The following RGPD4 variants were observed in gnomAD, a reference collection of about 807,000 sequenced individuals.
RGPD4 encodes ranBP2-like and GRIP domain-containing protein 4.
In RGPD4, 84 loss-of-function variants were observed where a neutral mutation model predicts 141.1. That is an observed-to-expected ratio of 0.60 (90% confidence interval 0.50 to 0.71). RGPD4 has a LOEUF of 0.71. RGPD4 is among the 30% of genes least tolerant of loss of function. The probability of loss-of-function intolerance (pLI) is 0.00; values close to 1 mark genes in which losing one functional copy is unlikely to be tolerated. For missense variants in RGPD4, 918 were observed against 1,622.4 expected (o/e 0.57, Z 7.46); for synonymous variants, 298 against 566.8 (o/e 0.53, Z 6.74).
rs536742958 is a variant in RGPD4, at chr2:107,832,365, T to C, written c.73-4237T>C. 4.6e-5 allele frequency among the ~76,000 whole-genome samples: 7 copies of C among 151,904 alleles called. No individual in the cohort carries two copies. In the East Asian group the frequency reaches 1.2e-3, roughly 25 times the overall value. ...TAGACCCTTTGTTTCTTGTATCTCA[T>C]GTCGTCTTCATTTACTTTCTTTGTT... On this transcript the variant is annotated intron_variant, in intron 1 of 22. Coordinates refer to ENST00000408999, the MANE Select transcript of RGPD4 (RefSeq NM_182588.3).
chr2:107,871,420 A>G lies in RGPD4; in HGVS notation c.3416A>G (p.Asp1139Gly). 1.8e-6 allele frequency: 2 copies of G among 1,100,726 alleles called. No individual in the cohort carries two copies. The highest frequency in any genetic ancestry group is 1.5e-5 in the South Asian group (1 of 67,580). 68.2% of individuals were successfully genotyped at this position (1,100,726 alleles called of 1,614,324 possible). A position where few individuals can be genotyped will look rare whatever the true frequency, so the allele number is the denominator to read the frequency against. The part of the protein sequence containing the change: ...AWMWSASDFS[D>G]GDAKLERLAA... ...ATGTGGTCAGCCAGTGATTTCTCTG[A>G]TGGTGATGCCAAACTAGAGCGGTTA... The change falls in exon 20 of 23, where the codon GAT (aspartate) becomes GGT (glycine). Residue 1139 changes from aspartate to glycine, a missense_variant. Coordinates refer to ENST00000408999, the MANE Select transcript of RGPD4 (RefSeq NM_182588.3).
At position 107,827,677 on chromosome 2, in the gene RGPD4, G is replaced by A. The variant is rs1483719721; in HGVS notation, c.72+592G>A. On this transcript the variant is annotated intron_variant, in intron 1 of 22. Coordinates refer to ENST00000408999, the MANE Select transcript of RGPD4 (RefSeq NM_182588.3). ...CCTGGCACGCTCTGTTGAGGCGGCG[G>A]CCTCGACCTGGCTGGGCGGCGGCGG... Among the ~76,000 whole-genome samples the A allele has an allele frequency of 1.7e-4, 9 of 53,234 alleles. 2 individuals carry two copies. Among genetic ancestry groups the A allele is most frequent in the Non-Finnish European group, 3.6e-4 (9 of 25,006 alleles). 34.9% of individuals were successfully genotyped at this position (53,234 alleles called of 152,430 possible).
In RGPD4 at chr2:107,827,037, G is replaced by T; in HGVS notation, c.24G>T (p.Gly8=). The stretch of plus-strand genomic sequence containing the variant: ...CGATGAGTTGCAGCAAGGCCTACGG[G>T]GAGCGGTACGTCGCCTCCGTGCAGG... MSCSKAY[G]ERYVASVQGS... Residue 8 remains glycine, a synonymous_variant, in exon 1 of 23, where the codon GGG becomes GGT. Transcript: ENST00000408999. 5 of 1,599,718 alleles carry T rather than the reference G, an allele frequency of 3.1e-6. No individual in the cohort carries two copies. Among genetic ancestry groups the T allele is most frequent in the Non-Finnish European group, 4.3e-6 (5 of 1,174,690 alleles).
chr2:107,845,596 G>C (rs1273097504), intron 6 of RGPD4, among the ~76,000 whole-genome samples: 1 of 152,244 alleles, frequency 6.6e-6, no homozygotes, highest in African/African-American at 2.4e-5. Flanking sequence ...GTGACAGATG[G>C]TTTGTCAGAT....
intron 20 of RGPD4, among the ~76,000 whole-genome samples, chr2:107,878,569 T>G (rs1163012012): frequency 6.6e-6 from 1 of 150,602 alleles, no homozygotes; most frequent in Non-Finnish European, 1.5e-5. Flanking sequence ...TATGCTTTTT[T>G]GGGCTGCTCC....
chr2:107,855,977 C>T (rs1159843925), intron 8 of RGPD4, among the ~76,000 whole-genome samples: 2 of 106,726 alleles, frequency 1.9e-5, no homozygotes, highest in East Asian at 5.1e-4. Flanking sequence ...GTACTTTATC[C>T]GAGGACTATG....
Position 107,854,761 on chromosome 2 carries a change from G to A in RGPD4, c.1066+118G>A, listed in dbSNP as rs568236784. The A allele has an allele frequency of 1.1e-4, 161 of 1,450,544 alleles. 1 individual carries two copies. Among genetic ancestry groups the A allele is most frequent in the African/African-American group, 1.7e-4 (12 of 69,974 alleles). 89.9% of individuals were successfully genotyped at this position (1,450,544 alleles called of 1,614,324 possible). ...TAATTTGTCAAAATTATTTCTTTTC[G>A]CCGTATCAGTTAAGAGCAATAGGTA... On this transcript the variant is annotated intron_variant, in intron 8 of 22. Coordinates refer to ENST00000408999, the MANE Select transcript of RGPD4 (RefSeq NM_182588.3).
At chr2:107,885,042 G>A (rs1675473350) in intron 22 of RGPD4, among the ~76,000 whole-genome samples, 1 of 152,040 alleles carries the variant, frequency 6.6e-6, no homozygotes, top group Non-Finnish European at 1.5e-5. Flanking sequence ...AGTAATCTCA[G>A]TTCTTCAAAC....
intron 6 of RGPD4, among the ~76,000 whole-genome samples, chr2:107,844,751 A>C (rs1367500737): frequency 1.6e-4 from 19 of 121,450 alleles, no homozygotes; most frequent in African/African-American, 5.9e-4. Flanking sequence ...TTTGGTCACA[A>C]GTTCCTTTTA....
At chr2:107,840,369 C>A (rs1445384263) in intron 4 of RGPD4, among the ~76,000 whole-genome samples, 659 of 151,616 alleles carry the variant, frequency 4.3e-3, no homozygotes, top group African/African-American at 0.014. Context: ...TTGGAGTTCA[C>A]TGGCGCAATC....
In RGPD4 at chr2:107,871,154, T is replaced by C; in HGVS notation, c.3150T>C (p.Leu1050=). Residue 1050 remains leucine, a synonymous_variant, in exon 20 of 23, where the codon CTT becomes CTC. Coordinates refer to ENST00000408999, the MANE Select transcript of RGPD4 (RefSeq NM_182588.3). The part of the protein sequence containing the change: ...PVVQMPEKVE[L]VIGEEGEKVL... ...TTCAAATGCCTGAAAAAGTAGAACT[T>C]GTAATAGGAGAAGAAGGTGAAAAAG... 6.2e-7 allele frequency: 1 copy of C among 1,610,454 alleles called. No homozygotes were observed. The highest frequency in any genetic ancestry group is 8.5e-7 in the Non-Finnish European group (1 of 1,179,742).
At chr2:107,830,026 C>T (rs980935630) in intron 1 of RGPD4, among the ~76,000 whole-genome samples, 2 of 152,124 alleles carry the variant, frequency 1.3e-5, no homozygotes, top group African/African-American at 2.4e-5. Context: ...TTGCAATGGC[C>T]GGACGGCGCA....
chr2:107,858,561 C>A (rs1395018512), intron 9 of RGPD4, among the ~76,000 whole-genome samples: 13 of 152,060 alleles, frequency 8.5e-5, no homozygotes. Flanking sequence ...GCCTCAGCCT[C>A]CCACGTAGCT....
At chr2:107,844,615 G>A (rs1390498221) in intron 6 of RGPD4, among the ~76,000 whole-genome samples, 2 of 140,850 alleles carry the variant, frequency 1.4e-5, no homozygotes, top group East Asian at 4.0e-4. Flanking sequence ...TAATTTTCTT[G>A]AAAAAGTACA....
In RGPD4 at chr2:107,884,173, C is replaced by T. The variant is rs1004544838; in HGVS notation, c.5266+1300C>T. ...TCACCCTGGCTGGAGTGCAGTGGTC[C>T]GATCATGGCTCACTGCAACCTCCGC... On this transcript the variant is annotated intron_variant, in intron 22 of 22. Transcript: ENST00000408999. 1.2e-4 allele frequency among the ~76,000 whole-genome samples: 18 copies of T among 151,936 alleles called. No individual in the cohort carries two copies. The South Asian group carries it at 2.1e-3, about 18-fold the overall frequency.
chr2:107,870,740 A>C lies in RGPD4; in HGVS notation c.2736A>C (p.Glu912Asp). ...SSNTEFKSTK[E>D]GFSIPVSADG... is the part of the protein sequence containing the mutation. Reference sequence around the variant, plus strand: ...ATACAGAATTTAAGTCAACCAAAGAAGGATTTTCCATCCCTGTGTCTGCTG... The same window carrying C: ...ATACAGAATTTAAGTCAACCAAAGACGGATTTTCCATCCCTGTGTCTGCTG... Residue 912 changes from glutamate to aspartate, a missense_variant, in exon 20 of 23, where the codon GAA (glutamate) becomes GAC (aspartate). Coordinates refer to ENST00000408999, the MANE Select transcript of RGPD4 (RefSeq NM_182588.3). The C allele has an allele frequency of 6.2e-7, 1 of 1,610,064 alleles. No individual in the cohort carries two copies. The highest frequency in any genetic ancestry group is 8.5e-7 in the Non-Finnish European group (1 of 1,179,354).
chr2:107,853,398 G>A (rs1244023622), intron 7 of RGPD4, among the ~76,000 whole-genome samples: 2 of 135,042 alleles, frequency 1.5e-5, no homozygotes, highest in East Asian at 2.0e-4. Flanking sequence ...ATATTTGAAG[G>A]CAGCTGTCAC....
At chr2:107,885,523 A>G (rs1472505388) in intron 22 of RGPD4, among the ~76,000 whole-genome samples, 2 of 152,156 alleles carry the variant, frequency 1.3e-5, no homozygotes, top group Non-Finnish European at 2.9e-5. Context: ...GATACCAAGA[A>G]CAGATATTTT....
At chr2:107,873,087 C>T (rs554067206) in intron 20 of RGPD4, among the ~76,000 whole-genome samples, 159 bp downstream of exon 20, 8 of 59,696 alleles carry the variant, frequency 1.3e-4, no homozygotes, top group East Asian at 3.0e-4. Flanking sequence ...AATAAGTTCA[C>T]GGTGAGGTTT....
Sources: allele counts gnomAD v4.1 joint callset (sites outside exome capture counted in the v4.1 genomes callset), GRCh38; gene constraint gnomAD v4.1.1; transcripts MANE v1.5; gene names NCBI Gene and HGNC (gene_info 2026-07-23, HGNC 2026-07-21).